TMPRSS12: variants seen among roughly 807,000 people sequenced by gnomAD.
TMPRSS12 encodes the protein transmembrane serine protease 12, also known as transmembrane protease serine 12.
In TMPRSS12, 25 loss-of-function variants were observed where a neutral mutation model predicts 26.0. That is an observed-to-expected ratio of 0.96 (90% CI 0.70 to 1.34). TMPRSS12 has a LOEUF of 1.34. Ranked by LOEUF, TMPRSS12 falls within the 40% of genes most tolerant of loss-of-function variation. The pLI, the probability that TMPRSS12 is intolerant of heterozygous loss-of-function variation, is 0.00. For missense variants in TMPRSS12, 441 were observed against 440.1 expected (o/e 1.00, Z -0.02); for synonymous variants, 150 against 161.7 (o/e 0.93, Z 0.55).
chr12:50,862,516 G>A (rs927132410), intron 3 of TMPRSS12, among the ~76,000 whole-genome samples: 2 of 151,788 alleles, frequency 1.3e-5, no homozygotes, highest in Non-Finnish European at 2.9e-5. Context: ...TCACACTCAT[G>A]ACCCAGCATA....
intron 3 of TMPRSS12, among the ~76,000 whole-genome samples, chr12:50,871,051 C>T (rs570306306): frequency 9.2e-5 from 14 of 152,060 alleles, no homozygotes; most frequent in Admixed American, 9.2e-4. Flanking sequence ...GATGCAATCC[C>T]CATCAAAATA....
intron 3 of TMPRSS12, among the ~76,000 whole-genome samples, chr12:50,881,321 T>C (rs796586948): frequency 3.9e-5 from 6 of 152,188 alleles, no homozygotes; most frequent in African/African-American, 9.6e-5. Context: ...GAGCTGGGAA[T>C]TGATTACAAG....
Position 50,872,623 on chromosome 12 carries a change from A to G in TMPRSS12, c.653-12623A>G, listed in dbSNP as rs369401400. ...ATATGTACATATATATGACGTATAT[A>G]TGTACATATATATGACGTATATGTA... On this transcript the variant is annotated intron_variant, in intron 3 of 4. Transcript: ENST00000398458. 1.9e-3 allele frequency among the ~76,000 whole-genome samples: 228 copies of G among 118,606 alleles called. 12 individuals are homozygous for G. The East Asian group carries it at 0.02, about 11-fold the overall frequency. 77.8% of individuals were successfully genotyped at this position (118,606 alleles called of 152,430 possible).
At chr12:50,856,272 G>A (rs1210660079) in intron 2 of TMPRSS12, among the ~76,000 whole-genome samples, 1 of 152,104 alleles carries the variant, frequency 6.6e-6, no homozygotes, top group Non-Finnish European at 1.5e-5. Context: ...TTCTCATCAT[G>A]CAATGCTCCT....
rs532645324 is a variant in TMPRSS12 at position 50,844,030 on chromosome 12, G to A, written c.376G>A (p.Asp126Asn). 1.9e-5 allele frequency: 30 copies of A among 1,575,358 alleles called. No individual in the cohort carries two copies. The Admixed American group carries it at 4.4e-4, about 23-fold the overall frequency. The change falls in exon 2 of 5, where the codon GAC (aspartate) becomes AAC (asparagine). Residue 126 changes from aspartate (D) to asparagine (N), a missense_variant. Transcript: ENST00000398458. ...CCTCACAGCTGCCCACTGCACTAAA[G>A]ACGCTAGGTACGTATTCAGAACACA... ...WVLTAAHCTKDASDPLMWTAV... is the reference protein window; with the variant it reads ...WVLTAAHCTKNASDPLMWTAV...
chr12:50,886,425 C>T (rs571947691), intron 4 of TMPRSS12: 2 of 152,116 alleles, frequency 1.3e-5, no homozygotes, highest in African/African-American at 4.8e-5. Flanking sequence ...ATGCTCTCAC[C>T]TTTTCCTACT....
Position 50,843,087 on chromosome 12 carries a change from C to T in TMPRSS12, c.123C>T (p.Ser41=), listed in dbSNP as rs780978063. 6.3e-7 allele frequency: 1 copy of T among 1,584,352 alleles called. No homozygotes were observed. The highest frequency in any genetic ancestry group is 8.6e-7 in the Non-Finnish European group (1 of 1,165,660). ...CCTCGCCGGAACCGGCGGCTAGTTCCCAGCAGGCTGAGGCCGTCCGCAAGA... is the reference window on the plus strand; with the variant it reads ...CCTCGCCGGAACCGGCGGCTAGTTCTCAGCAGGCTGAGGCCGTCCGCAAGA... ...LGPSPEPAAS[S]QQAEAVRKRL... is the part of the protein sequence containing the mutation. Residue 41 remains serine, a synonymous_variant, in exon 1 of 5, where the codon TCC becomes TCT. Transcript: ENST00000398458.
intron 3 of TMPRSS12, among the ~76,000 whole-genome samples, chr12:50,860,929 A>G (rs974765275): frequency 6.6e-6 from 1 of 152,048 alleles, no homozygotes; most frequent in African/African-American, 2.4e-5. Context: ...TTTGTTTTTA[A>G]GAGATGGTCT....
chr12:50,849,691 A>G (rs185909980), intron 2 of TMPRSS12, among the ~76,000 whole-genome samples: 1 of 152,096 alleles, frequency 6.6e-6, no homozygotes, highest in African/African-American at 2.4e-5. Flanking sequence ...AAATTCATCC[A>G]TGCTGTTTTG....
At chr12:50,858,635 G>A in intron 2 of TMPRSS12, 150 bp from the exon 3 acceptor site, 1 of 603,110 alleles carries the variant, frequency 1.7e-6, no homozygotes, top group East Asian at 3.1e-5. Context: ...CCTAGATCAT[G>A]ATATTTGTGT....
chr12:50,857,413 G>T (rs1189876031), intron 2 of TMPRSS12, among the ~76,000 whole-genome samples: 1 of 150,870 alleles, frequency 6.6e-6, no homozygotes, highest in African/African-American at 2.4e-5. Context: ...TACACTTTCT[G>T]CCATGAATAA....
At chr12:50,843,177 G>C in intron 1 of TMPRSS12, 26 bp downstream of exon 1, 1 of 1,526,336 alleles carries the variant, frequency 6.6e-7, no homozygotes, top group Non-Finnish European at 8.8e-7. Context: ...GCCTGTCTCT[G>C]GGGAGCCTCT....
chr12:50,847,322 G>T (rs543455201), intron 2 of TMPRSS12, among the ~76,000 whole-genome samples: 1 of 152,134 alleles, frequency 6.6e-6, no homozygotes, highest in East Asian at 1.9e-4. Context: ...CTCCCAAAGT[G>T]CTGGGATTAC....
chr12:50,843,956 G>A lies in TMPRSS12; in HGVS notation c.302G>A (p.Arg101His), dbSNP rs1349206893. ...WVVSLQIKYG[R>H]VLVHVCGGTL... ...GTGAGCCTGCAGATTAAATATGGCCGTGTTCTTGTTCATGTATGTGGGGGA... is the reference window on the plus strand; with the variant it reads ...GTGAGCCTGCAGATTAAATATGGCCATGTTCTTGTTCATGTATGTGGGGGA... Residue 101 changes from arginine (R) to histidine (H), a missense_variant, in exon 2 of 5, where the codon CGT becomes CAT. Physicochemically the swap from Arg to His is conservative, Grantham distance 29. Transcript: ENST00000398458. 1.9e-6 allele frequency: 3 copies of A among 1,604,854 alleles called. No homozygotes were observed. The highest frequency in any genetic ancestry group is 2.6e-6 in the Non-Finnish European group (3 of 1,175,764).
chr12:50,883,359 C>A (rs1257954713), intron 3 of TMPRSS12, among the ~76,000 whole-genome samples: 1 of 152,130 alleles, frequency 6.6e-6, no homozygotes, highest in Admixed American at 6.6e-5. Context: ...TTAATCATAA[C>A]CAAATTAGGT....
intron 3 of TMPRSS12, among the ~76,000 whole-genome samples, chr12:50,863,057 G>A (rs1473857155): frequency 1.3e-5 from 2 of 151,938 alleles, no homozygotes; most frequent in Non-Finnish European, 2.9e-5. Flanking sequence ...GGTAGTGCAT[G>A]TCTATAGTCC....
At chr12:50,886,007 G>T (rs960890457) in intron 4 of TMPRSS12, 1 of 152,850 alleles carries the variant, frequency 6.5e-6, no homozygotes, top group South Asian at 2.1e-4. Flanking sequence ...TTGTGGGTGC[G>T]CAGTGGTATC....
At chr12:50,843,172 T>G in intron 1 of TMPRSS12, 21 bp downstream of exon 1, 1 of 1,532,744 alleles carries the variant, frequency 6.5e-7, no homozygotes. Flanking sequence ...TTCGTGCCTG[T>G]CTCTGGGGAG....
intron 3 of TMPRSS12, among the ~76,000 whole-genome samples, chr12:50,874,986 C>T (rs1938099486): frequency 6.6e-6 from 1 of 152,110 alleles, no homozygotes; most frequent in African/African-American, 2.4e-5. Context: ...CAGGAAAAAT[C>T]AATATCATTA....
Sources: allele counts gnomAD v4.1 joint callset (sites outside exome capture counted in the v4.1 genomes callset), GRCh38; gene constraint gnomAD v4.1.1; transcripts MANE v1.5; gene names NCBI Gene and HGNC (gene_info 2026-07-23, HGNC 2026-07-21).